STK32B: variants seen among roughly 807,000 people sequenced by gnomAD.
STK32B encodes the protein serine/threonine-protein kinase 32B.
Under a neutral mutation model 52.6 loss-of-function variants are expected in STK32B, and 43 were observed. The ratio of observed to expected loss-of-function variants is 0.82; its 90% CI spans 0.64 to 1.05. The LOEUF is 1.05. Among genes scored for constraint, STK32B ranks in the 50% least tolerant of loss-of-function variants. The pLI, the probability that STK32B is intolerant of heterozygous loss-of-function variation, is 0.00. For missense variants in STK32B, 621 were observed against 534.6 expected, an observed-to-expected ratio of 1.16 and a Z score of -1.59; for synonymous variants, 238 against 204.3, an observed-to-expected ratio of 1.17 and a Z score of -1.41.
chr4:5,255,514 C>T (rs542286265), intron 3 of STK32B, among the ~76,000 whole-genome samples: 60 of 152,094 alleles, frequency 3.9e-4, no homozygotes, highest in African/African-American at 1.3e-3. Context: ...ATATGCTTGT[C>T]GGTGACAACC....
intron 9 of STK32B, among the ~76,000 whole-genome samples, chr4:5,462,214 A>T (rs547272298): frequency 6.6e-5 from 10 of 150,472 alleles, no homozygotes; most frequent in Non-Finnish European, 1.5e-4. Context: ...GTGTGCCTAT[A>T]TGTCTATGTG....
intron 4 of STK32B, among the ~76,000 whole-genome samples, chr4:5,342,363 T>C (rs1177186376): frequency 1.3e-5 from 2 of 152,278 alleles, no homozygotes; most frequent in Admixed American, 6.5e-5. Flanking sequence ...TGGAATACTA[T>C]GCAGCCATAA....
chr4:5,314,033 G>C lies in STK32B; in HGVS notation c.261-17187G>C, dbSNP rs1298161523. Among the ~76,000 whole-genome samples, 3 of 152,008 alleles carry C rather than the reference G, an allele frequency of 2.0e-5. No homozygotes were observed. In the East Asian group the frequency reaches 5.8e-4, roughly 29 times the overall value. On this transcript the variant is annotated intron_variant, in intron 3 of 11. Coordinates refer to ENST00000282908, the MANE Select transcript of STK32B (RefSeq NM_018401.3). Reference sequence around the variant, plus strand: ...GTGATTTAATGCAATTGCTATGAAAGTCCAAGAAAAGTTTTTTGCAGACAT... The same window carrying C: ...GTGATTTAATGCAATTGCTATGAAACTCCAAGAAAAGTTTTTTGCAGACAT...
intron 3 of STK32B, among the ~76,000 whole-genome samples, chr4:5,286,121 A>G (rs1448126258): frequency 6.6e-6 from 1 of 152,102 alleles, no homozygotes; most frequent in African/African-American, 2.4e-5. Context: ...CAGCCTCCAG[A>G]ACTATGAGAA....
intron 1 of STK32B, 181 bp from the exon 2 acceptor site, chr4:5,139,724 A>T: frequency 3.3e-6 from 2 of 613,304 alleles, no homozygotes; most frequent in Non-Finnish European, 5.8e-6. Flanking sequence ...TGTGCTGGGG[A>T]AAAAATGGAA....
intron 2 of STK32B, among the ~76,000 whole-genome samples, chr4:5,153,050 T>C (rs1410650311): frequency 6.6e-6 from 1 of 152,208 alleles, no homozygotes; most frequent in Non-Finnish European, 1.5e-5. Flanking sequence ...ATCCGCGTCC[T>C]GGAGAGGACC....
chr4:5,223,479 C>G (rs1018337186), intron 3 of STK32B, among the ~76,000 whole-genome samples: 2 of 152,076 alleles, frequency 1.3e-5, no homozygotes, highest in African/African-American at 4.8e-5. Flanking sequence ...GGTGGGGTCC[C>G]CTGCAGCCAG....
At chr4:5,330,431 G>GT (rs1732157266) in intron 3 of STK32B, among the ~76,000 whole-genome samples, 1 of 152,150 alleles carries the variant, frequency 6.6e-6, no homozygotes, top group African/African-American at 2.4e-5. Flanking sequence ...ATTTTCTACT[G>GT]TTTCAAAAAC....
At chr4:5,270,042 T>C (rs1467047849) in intron 3 of STK32B, among the ~76,000 whole-genome samples, 1 of 152,184 alleles carries the variant, frequency 6.6e-6, no homozygotes, top group Admixed American at 6.5e-5. Flanking sequence ...AAGAAACATT[T>C]GATAAAATCC....
intron 11 of STK32B, among the ~76,000 whole-genome samples, chr4:5,483,859 C>T (rs1194837753): frequency 3.3e-5 from 5 of 152,148 alleles, no homozygotes; most frequent in Non-Finnish European, 7.3e-5. Context: ...AGCAGTCATT[C>T]AGGAGCAGGT....
intron 3 of STK32B, among the ~76,000 whole-genome samples, chr4:5,247,745 C>T (rs951712051): frequency 2.0e-5 from 3 of 152,168 alleles, no homozygotes; most frequent in African/African-American, 7.2e-5. Flanking sequence ...CTTAGGGAAG[C>T]CTTTTTTTCT....
intron 7 of STK32B, among the ~76,000 whole-genome samples, chr4:5,449,758 G>A (rs1293659849): frequency 1.3e-5 from 2 of 152,128 alleles, no homozygotes; most frequent in Admixed American, 1.3e-4. Flanking sequence ...TCATGGGAGT[G>A]CAAACCCTCT....
At chr4:5,047,336 T>TG (rs1196010951), upstream of STK32B, among the ~76,000 whole-genome samples, 3 of 108,160 alleles carry the variant, frequency 2.8e-5, no homozygotes, top group African/African-American at 1.1e-4. Flanking sequence ...CAGGGCCTGT[T>TG]GGGGGGTGGG....
At chr4:5,159,936 C>T (rs547039028) in intron 2 of STK32B, among the ~76,000 whole-genome samples, 11 of 151,892 alleles carry the variant, frequency 7.2e-5, no homozygotes, top group African/African-American at 2.2e-4. Context: ...GTCTGAAGGG[C>T]GTCTGCCGCA....
intron 3 of STK32B, among the ~76,000 whole-genome samples, chr4:5,218,730 C>T (rs963559350): frequency 6.6e-5 from 10 of 152,240 alleles, no homozygotes; most frequent in African/African-American, 2.4e-4. Flanking sequence ...AAACCAGTAA[C>T]ACATTCTTTT....
intron 5 of STK32B, among the ~76,000 whole-genome samples, chr4:5,414,356 AC>A (rs1370447570): frequency 2.0e-5 from 2 of 100,382 alleles, no homozygotes; most frequent in African/African-American, 5.6e-5. Context: ...TTGGAGGAAC[AC>A]CTTGTAATCA....
At chr4:5,252,830 A>G (rs142154660) in intron 3 of STK32B, among the ~76,000 whole-genome samples, 3 of 152,298 alleles carry the variant, frequency 2.0e-5, no homozygotes, top group Non-Finnish European at 2.9e-5. Context: ...TGAAGGTTAC[A>G]TGCAGTGATT....
intron 2 of STK32B, among the ~76,000 whole-genome samples, chr4:5,159,040 T>C (rs1718098304): frequency 6.6e-6 from 1 of 152,136 alleles, no homozygotes; most frequent in African/African-American, 2.4e-5. Flanking sequence ...ACATCAGCTG[T>C]ACAATGTTGC....
intron 3 of STK32B, among the ~76,000 whole-genome samples, chr4:5,184,142 C>T (rs1289456305): frequency 6.6e-6 from 1 of 152,206 alleles, no homozygotes; most frequent in Non-Finnish European, 1.5e-5. Flanking sequence ...TGGCTTTTCA[C>T]ATGCCTTCCT....
Sources: allele counts gnomAD v4.1 joint callset (sites outside exome capture counted in the v4.1 genomes callset), GRCh38; gene constraint gnomAD v4.1.1; transcripts MANE v1.5; gene names NCBI Gene and HGNC (gene_info 2026-07-23, HGNC 2026-07-21).